Variants in LRIG3 observed in about 807,000 individuals in gnomAD.
LRIG3 encodes the protein leucine-rich repeats and immunoglobulin-like domains protein 3.
Under a neutral mutation model 114.5 loss-of-function variants are expected in LRIG3, and 76 were observed. The ratio of observed to expected loss-of-function variants is 0.66; its 90% confidence interval spans 0.55 to 0.80. The LOEUF (loss-of-function observed/expected upper bound fraction) is 0.80, where lower values mean the gene tolerates loss of function less well. LRIG3 is among the 30% of genes least tolerant of loss of function. The pLI is 0.00. For missense variants in LRIG3, 1,239 were observed against 1,382.8 expected, an observed-to-expected ratio of 0.90 and a Z score of 1.65; for synonymous variants, 512 against 519.8, an observed-to-expected ratio of 0.98 and a Z score of 0.20.
rs1871340777 is a variant in LRIG3, at chr12:58,888,265, A to C, written c.947+64T>G. 7.1e-6 allele frequency: 11 copies of C among 1,548,016 alleles called. No homozygotes were observed. In the Admixed American group the frequency reaches 9.2e-5, roughly 13 times the overall value. ...GAAAATTTCACAGATCAGTGGTAAG[A>C]AGCTCATGCCCTGGCATGATCCCTG... is the stretch of plus-strand genomic sequence containing the variant. On this transcript the variant is annotated intron_variant, in intron 7 of 18. Transcript: ENST00000320743.
intron 3 of LRIG3, among the ~76,000 whole-genome samples, chr12:58,898,774 TCAGC>T (rs1206765999): frequency 6.6e-6 from 1 of 152,132 alleles, no homozygotes; most frequent in Admixed American, 6.5e-5. Context: ...TTCTCCAGCC[TCAGC>T]CTCCCGAGTA....
Position 58,876,521 on chromosome 12 carries a change from A to G in LRIG3, c.2619T>C (p.Ser873=). 1.2e-6 allele frequency: 2 copies of G among 1,614,178 alleles called. No individual in the cohort carries two copies. The highest frequency in any genetic ancestry group is 1.7e-6 in the Non-Finnish European group (2 of 1,180,016). The change falls in exon 16 of 19, where the codon TCT becomes TCC. Residue 873 remains serine (S), a synonymous_variant. Transcript: ENST00000320743. ...TLADRQDGYV[S]SESGSHHQFV... ...ACTGGTGGTGGCTTCCACTTTCTGA[A>G]GACACGTACCCATCCTGCCTGTCAG...
chr12:58,881,880 G>A (rs1871139806), intron 12 of LRIG3, among the ~76,000 whole-genome samples: 1 of 152,132 alleles, frequency 6.6e-6, no homozygotes, highest in African/African-American at 2.4e-5. Context: ...TGAAAAAAAC[G>A]ATGGATACTA....
intron 12 of LRIG3, among the ~76,000 whole-genome samples, chr12:58,881,306 G>A (rs1016570664): frequency 4.0e-5 from 6 of 151,158 alleles, no homozygotes; most frequent in African/African-American, 1.2e-4. Context: ...CCCAGATAAT[G>A]AGCAGCAAAA....
At chr12:58,892,094 T>C (rs1871475280) in intron 3 of LRIG3, among the ~76,000 whole-genome samples, 1 of 151,126 alleles carries the variant, frequency 6.6e-6, no homozygotes, top group Non-Finnish European at 1.5e-5. Flanking sequence ...TCAATCAATA[T>C]AGTAACTCCC....
chr12:58,912,179 ATTATAAG>A (rs776072947), intron 3 of LRIG3, among the ~76,000 whole-genome samples: 21 of 152,342 alleles, frequency 1.4e-4, no homozygotes, highest in East Asian at 3.9e-4. Flanking sequence ...TAGCTTTCTA[ATTATAAG>A]TTATAACGTT....
rs1236467954 is a variant in LRIG3 at position 58,885,893 on chromosome 12, T to C, written c.1182A>G (p.Gln394=). 1 of 1,584,368 alleles carries C rather than the reference T, an allele frequency of 6.3e-7. No individual in the cohort carries two copies. Among genetic ancestry groups the C allele is most frequent in the East Asian group, 2.3e-5 (1 of 43,352 alleles). Residue 394 remains glutamine, a synonymous_variant, in exon 10 of 19, where the codon CAA becomes CAG. Coordinates refer to ENST00000320743, the MANE Select transcript of LRIG3 (RefSeq NM_153377.5). ...GLDKLRRLIL[Q]GNRIRSITKK... Reference sequence around the variant, plus strand: ...TAGTAATAGAACGGATCCGATTTCCTTGGAGTATCCTGGGGAAAAAAATTA... The same window carrying C: ...TAGTAATAGAACGGATCCGATTTCCCTGGAGTATCCTGGGGAAAAAAATTA...
chr12:58,881,420 C>CAA (rs376145825), intron 12 of LRIG3, among the ~76,000 whole-genome samples: 24 of 65,010 alleles, frequency 3.7e-4, no homozygotes, highest in East Asian at 2.7e-3. Context: ...TAGGTAGAGG[C>CAA]AAAAAAAAAA....
At chr12:58,872,898 T>A in intron 18 of LRIG3, 82 bp from the exon 19 acceptor site, 1 of 1,523,322 alleles carries the variant, frequency 6.6e-7, no homozygotes, top group South Asian at 1.3e-5. Flanking sequence ...TGAAGGAACA[T>A]CTTACCCCAT....
chr12:58,878,713 C>T, intron 14 of LRIG3, 111 bp downstream of exon 14: 1 of 1,245,040 alleles, frequency 8.0e-7, no homozygotes, highest in South Asian at 1.4e-5. Flanking sequence ...AAAGGCAATG[C>T]CCCATACATC....
intron 3 of LRIG3, among the ~76,000 whole-genome samples, chr12:58,908,439 A>G (rs720052): frequency 0.057 from 8,722 of 152,120 alleles, 503 homozygotes; most frequent in African/African-American, 0.15. Flanking sequence ...CCTGAACACC[A>G]AAGTCACCCT....
intron 18 of LRIG3, chr12:58,873,846 CTTAG>C: frequency 1.6e-6 from 1 of 612,860 alleles, no homozygotes; most frequent in East Asian, 2.8e-5. Flanking sequence ...GCTCCTGAGG[CTTAG>C]TTATAGATTA....
Position 58,890,682 on chromosome 12 carries a change from G to A in LRIG3, c.498C>T (p.Ala166=). 5 of 1,595,948 alleles carry A rather than the reference G, an allele frequency of 3.1e-6. No individual in the cohort carries two copies. The highest frequency in any genetic ancestry group is 8.5e-7 in the Non-Finnish European group (1 of 1,172,594). Residue 166 remains alanine (A), a synonymous_variant, in exon 4 of 19, where the codon GCC becomes GCT. Coordinates refer to ENST00000320743, the MANE Select transcript of LRIG3 (RefSeq NM_153377.5). ...TCACTTACAGATATTTGAGCTGTAG[G>A]GCTGGAAATGCAGTTTGGAGCTCTG... ...NISELQTAFP[A]LQLKYLYLNS... is the part of the protein sequence containing the mutation.
At chr12:58,893,882 G>A (rs936539077) in intron 3 of LRIG3, among the ~76,000 whole-genome samples, 1 of 152,062 alleles carries the variant, frequency 6.6e-6, no homozygotes, top group Non-Finnish European at 1.5e-5. Flanking sequence ...GCTGTCTGAG[G>A]CAAGTATAGC....
chr12:58,905,278 C>A (rs1317020157), intron 3 of LRIG3, among the ~76,000 whole-genome samples: 1 of 152,164 alleles, frequency 6.6e-6, no homozygotes, highest in East Asian at 1.9e-4. Context: ...AACCTAGCAA[C>A]CTTGAATTCT....
intron 3 of LRIG3, among the ~76,000 whole-genome samples, chr12:58,898,161 T>TTAA (rs1205789698): frequency 6.6e-6 from 1 of 152,240 alleles, no homozygotes; most frequent in Non-Finnish European, 1.5e-5. Context: ...ATACTCTATA[T>TTAA]TAATCAACCT....
intron 3 of LRIG3, among the ~76,000 whole-genome samples, chr12:58,901,194 T>C (rs1871835622): frequency 6.6e-6 from 1 of 152,216 alleles, no homozygotes; most frequent in Non-Finnish European, 1.5e-5. Flanking sequence ...TTATGAAAAG[T>C]GACAACAAGC....
At chr12:58,892,407 A>G (rs780037052) in intron 3 of LRIG3, among the ~76,000 whole-genome samples, 5 of 152,238 alleles carry the variant, frequency 3.3e-5, no homozygotes, top group Non-Finnish European at 7.3e-5. Flanking sequence ...GAAAACTTAC[A>G]AAATATATCT....
intron 3 of LRIG3, among the ~76,000 whole-genome samples, chr12:58,899,572 T>C (rs1017196606): frequency 6.6e-6 from 1 of 152,196 alleles, no homozygotes; most frequent in African/African-American, 2.4e-5. Context: ...TTTTCTGATT[T>C]TGTGGACATA....
Sources: allele counts gnomAD v4.1 joint callset (sites outside exome capture counted in the v4.1 genomes callset), GRCh38; gene constraint gnomAD v4.1.1; transcripts MANE v1.5; gene names NCBI Gene and HGNC (gene_info 2026-07-23, HGNC 2026-07-21).